MAVS: variants seen among roughly 807,000 people sequenced by gnomAD.
The protein encoded by MAVS is mitochondrial antiviral signaling protein, also known as mitochondrial antiviral-signaling protein.
In MAVS, 20 loss-of-function variants were observed where a neutral mutation model predicts 30.2. The observed-to-expected ratio is 0.66, with a 90% CI of 0.47 to 0.96. The LOEUF (loss-of-function observed/expected upper bound fraction) is 0.96. MAVS is among the 40% of genes least tolerant of loss of function. The pLI is 0.00. For missense variants in MAVS, 624 were observed against 701.1 expected (o/e 0.89, Z 1.24); for synonymous variants, 278 against 293.9 (o/e 0.95, Z 0.55).
Position 3,872,119 on chromosome 20 carries a change from C to G in MAVS, c.*5972C>G, listed in dbSNP as rs1441396269. On this transcript the variant is annotated 3_prime_UTR_variant, in exon 7 of 7. Transcript: ENST00000428216. ...TATGCCTGTGAACCACAGCTTATCA[C>G]ATGTCTGGAGTTAGGGACCCCACTT... 2.0e-5 allele frequency: 3 copies of G among 152,316 alleles called. No individual in the cohort carries two copies. The highest frequency in any genetic ancestry group is 4.4e-5 in the Non-Finnish European group (3 of 68,050). The allele number at this position is 152,316 out of a possible 1,614,324, so 9.4% of individuals were successfully genotyped here.
chr20:3,854,457 A>T, intron 1 of MAVS, 101 bp from the exon 2 acceptor site: 1 of 428,484 alleles, frequency 2.3e-6, no homozygotes. Context: ...TAAAGATGAA[A>T]GAAAACAAAC....
chr20:3,858,734 A>AC (rs911746935), intron 3 of MAVS, among the ~76,000 whole-genome samples: 5 of 150,104 alleles, frequency 3.3e-5, no homozygotes, highest in African/African-American at 1.2e-4. Context: ...ACTAGAGGTA[A>AC]CCCCCGAGAC....
In MAVS at chr20:3,874,803, T is replaced by C. The variant is rs1172908346; in HGVS notation, c.*8656T>C. ...CATATGTGGCCTGGCCATTGTCCAG[T>C]TGTATGTTCAGTCTCTTGGAAGGAA... On this transcript the variant is annotated 3_prime_UTR_variant, in exon 7 of 7. Coordinates refer to ENST00000428216, the MANE Select transcript of MAVS (RefSeq NM_020746.5). 6.6e-6 allele frequency: 1 copy of C among 152,202 alleles called. No individual in the cohort carries two copies. Among genetic ancestry groups the C allele is most frequent in the Non-Finnish European group, 1.5e-5 (1 of 68,094 alleles). 9.4% of individuals were successfully genotyped at this position (152,202 alleles called of 1,614,324 possible).
Position 3,873,652 on chromosome 20 carries a change from A to ACTACGG in MAVS, c.*7505_*7506insCTACGG, listed in dbSNP as rs1225838667. The ACTACGG allele has an allele frequency of 2.0e-5, 3 of 153,300 alleles. No individual in the cohort carries two copies. The highest frequency in any genetic ancestry group is 7.2e-5 in the African/African-American group (3 of 41,464). 9.5% of individuals were successfully genotyped at this position (153,300 alleles called of 1,614,324 possible). On this transcript the variant is annotated 3_prime_UTR_variant, in exon 7 of 7. Transcript: ENST00000428216. Reference sequence around the variant, plus strand: ...AGGGAGCCCTTCTGTCCCTTCTACCATGTGTGGATGCAGTGAGAAGGCACC... The same window carrying ACTACGG: ...AGGGAGCCCTTCTGTCCCTTCTACCACTACGGTGTGTGGATGCAGTGAGAAGGCACC...
rs767215611 is a variant in MAVS, at chr20:3,862,266, G to A, written c.478G>A (p.Ala160Thr). Residue 160 changes from alanine to threonine, a missense_variant, in exon 5 of 7, where the codon GCC becomes ACC. By Grantham distance (58) the Ala-to-Thr change is moderately conservative (BLOSUM62 0). Coordinates refer to ENST00000428216, the MANE Select transcript of MAVS (RefSeq NM_020746.5). ...PESPGENSEQ[A>T]LQTLSPRAIP... ...TCCCTCATTGCAGAATTCAGAGCAA[G>A]CCCTGCAGACGCTCAGCCCCAGAGC... 6.8e-6 allele frequency: 11 copies of A among 1,613,590 alleles called. No homozygotes were observed. The highest frequency in any genetic ancestry group is 9.3e-6 in the Non-Finnish European group (11 of 1,179,866).
intron 3 of MAVS, among the ~76,000 whole-genome samples, chr20:3,860,856 T>C (rs763235272): frequency 2.0e-4 from 30 of 151,836 alleles, no homozygotes; most frequent in Non-Finnish European, 8.8e-5. Flanking sequence ...TTTGTATTTT[T>C]AGTAGAGACG....
At chr20:3,862,910 A>G (rs897218782) in intron 5 of MAVS, among the ~76,000 whole-genome samples, 2 of 152,192 alleles carry the variant, frequency 1.3e-5, no homozygotes, top group South Asian at 4.1e-4. Flanking sequence ...AAAGCAAGTT[A>G]TAAGGCCAGC....
intron 1 of MAVS, among the ~76,000 whole-genome samples, chr20:3,850,911 G>A (rs779375201): frequency 1.3e-5 from 2 of 150,006 alleles, no homozygotes; most frequent in Non-Finnish European, 3.0e-5. Context: ...AAAAATTTAA[G>A]CTTAGAGGCC....
intron 1 of MAVS, among the ~76,000 whole-genome samples, chr20:3,851,125 G>A (rs1459842285): frequency 2.6e-5 from 4 of 151,514 alleles, no homozygotes; most frequent in South Asian, 2.1e-4. Context: ...GTTCAGGACC[G>A]GCCTGGCCAA....
At chr20:3,862,176 A>T in intron 4 of MAVS, 78 bp from the exon 5 acceptor site, 1 of 1,525,990 alleles carries the variant, frequency 6.6e-7, no homozygotes, top group Non-Finnish European at 8.9e-7. Flanking sequence ...CCTATAGGAG[A>T]TGCCCCAAGA....
rs143802036 is a variant in MAVS, at chr20:3,864,694, G to T, written c.1064G>T (p.Arg355Leu). ...TCCAAATTGCCCATCAACTCAACCCGTGCTGGCATGGTGCCATCCAAAGTG... is the reference window on the plus strand; with the variant it reads ...TCCAAATTGCCCATCAACTCAACCCTTGCTGGCATGGTGCCATCCAAAGTG... ...APSKLPINST[R>L]AGMVPSKVPT... Residue 355 changes from arginine (R) to leucine (L), a missense_variant, in exon 6 of 7, where the codon CGT becomes CTT. Physicochemically the swap from Arg to Leu is moderately radical, Grantham distance 102. Transcript: ENST00000428216. The T allele has an allele frequency of 1.9e-6, 3 of 1,614,170 alleles. No homozygotes were observed. The highest frequency in any genetic ancestry group is 2.5e-6 in the Non-Finnish European group (3 of 1,180,040).
chr20:3,848,742 C>T (rs921304040), intron 1 of MAVS, among the ~76,000 whole-genome samples: 4 of 152,220 alleles, frequency 2.6e-5, no homozygotes, highest in Admixed American at 6.5e-5. Context: ...AATCCAATAG[C>T]ATCTCAAACT....
chr20:3,856,487 G>A (rs1338586986), intron 2 of MAVS, among the ~76,000 whole-genome samples: 1 of 151,574 alleles, frequency 6.6e-6, no homozygotes, highest in African/African-American at 2.4e-5. Context: ...GAGTAGCTGG[G>A]ATTACAGGTA....
intron 3 of MAVS, among the ~76,000 whole-genome samples, chr20:3,860,489 C>T (rs1279104214): frequency 4.6e-5 from 7 of 151,738 alleles, no homozygotes; most frequent in African/African-American, 1.7e-4. Context: ...ATTCTCCTGC[C>T]TCAGCCTCTC....
At chr20:3,857,556 C>CG (rs2089821823) in intron 2 of MAVS, 79 bp from the exon 3 acceptor site, 6 of 1,482,198 alleles carry the variant, frequency 4.0e-6, no homozygotes, top group African/African-American at 1.8e-5. Context: ...CACCCCTCCC[C>CG]CCGCTGTGGC....
At chr20:3,849,244 T>C (rs1452654083) in intron 1 of MAVS, among the ~76,000 whole-genome samples, 1 of 151,248 alleles carries the variant, frequency 6.6e-6, no homozygotes, top group Non-Finnish European at 1.5e-5. Context: ...AGTTTTGATC[T>C]TGTCACCCAG....
At chr20:3,847,755 T>A (rs2089721240) in intron 1 of MAVS, among the ~76,000 whole-genome samples, 1 of 152,198 alleles carries the variant, frequency 6.6e-6, no homozygotes, top group Admixed American at 6.6e-5. Context: ...GGCAGGTGGC[T>A]GTGTGGGTCT....
chr20:3,863,440 A>C (rs1313315071), intron 5 of MAVS, among the ~76,000 whole-genome samples: 1 of 152,094 alleles, frequency 6.6e-6, no homozygotes, highest in African/African-American at 2.4e-5. Flanking sequence ...TGCTCCAAGC[A>C]CCTGTCTGCT....
rs2089985063 is a variant in MAVS, at chr20:3,875,509, T to C, written c.*9362T>C. 1 of 151,604 alleles carries C rather than the reference T, an allele frequency of 6.6e-6. No individual in the cohort carries two copies. Among genetic ancestry groups the C allele is most frequent in the Non-Finnish European group, 1.5e-5 (1 of 67,958 alleles). The allele number at this position is 151,604 out of a possible 1,614,324, so 9.4% of individuals were successfully genotyped here. A position where few individuals can be genotyped will look rare whatever the true frequency, so the allele number is the denominator to read the frequency against. ...AAAAAACCAGCCAAAACCACAACTT[T>C]TTACTGAAGTGTAATGTAAATGCTG... On this transcript the variant is annotated 3_prime_UTR_variant, in exon 7 of 7. Transcript: ENST00000428216.
Sources: allele counts gnomAD v4.1 joint callset (sites outside exome capture counted in the v4.1 genomes callset), GRCh38; gene constraint gnomAD v4.1.1; transcripts MANE v1.5; gene names NCBI Gene and HGNC (gene_info 2026-07-23, HGNC 2026-07-21).